The following GALNTL6 variants were observed in gnomAD, a reference collection of about 807,000 sequenced individuals.
GALNTL6 encodes polypeptide N-acetylgalactosaminyltransferase like 6, also known as polypeptide N-acetylgalactosaminyltransferase-like 6.
In GALNTL6, 46 loss-of-function variants were observed where a neutral mutation model predicts 73.7. The observed-to-expected ratio is 0.62, with a 90% CI of 0.49 to 0.80. The LOEUF is 0.80. Among genes scored for constraint, GALNTL6 ranks in the 30% least tolerant of loss-of-function variants. GALNTL6 has a pLI of 0.00. For synonymous variants in GALNTL6, 259 were observed against 263.7 expected, an observed-to-expected ratio of 0.98 and a Z score of 0.17; for missense variants, 604 against 755.0, an observed-to-expected ratio of 0.80 and a Z score of 2.34.
chr4:172,383,546 G>A (rs910690923), intron 5 of GALNTL6, among the ~76,000 whole-genome samples: 10 of 152,106 alleles, frequency 6.6e-5, no homozygotes, highest in Admixed American at 2.0e-4. Context: ...TCTGTGAGTC[G>A]TCACGATTTT....
chr4:172,981,342 T>C (rs1751054641), intron 10 of GALNTL6, among the ~76,000 whole-genome samples: 1 of 152,220 alleles, frequency 6.6e-6, no homozygotes, highest in Non-Finnish European at 1.5e-5. Context: ...TTCCAATTTC[T>C]CCACATACTT....
chr4:172,536,378 G>T (rs539811111), intron 5 of GALNTL6, among the ~76,000 whole-genome samples: 1 of 152,196 alleles, frequency 6.6e-6, no homozygotes, highest in African/African-American at 2.4e-5. Context: ...ACAGAAAGAT[G>T]TGGGAAAGTT....
rs1009181531 is a variant in GALNTL6 at position 172,130,540 on chromosome 4, C to A, written c.139-99116C>A. Among the ~76,000 whole-genome samples, 13 of 152,024 alleles carry A rather than the reference C, an allele frequency of 8.6e-5. 1 individual carries two copies. Among genetic ancestry groups the A allele is most frequent in the Admixed American group, 5.2e-4 (8 of 15,268 alleles). ...TTTCTAATTGTAAAATATTTTCTTT[C>A]TACTGTGAGGTTTCAAAGTAATTAA... On this transcript the variant is annotated intron_variant, in intron 2 of 12. Transcript: ENST00000506823.
intron 8 of GALNTL6, among the ~76,000 whole-genome samples, chr4:172,905,810 C>A (rs1462324772): frequency 1.7e-4 from 6 of 34,978 alleles, no homozygotes; most frequent in East Asian, 1.7e-3. Context: ...CTAGAGATCA[C>A]TCAAAAAAAA....
chr4:172,816,963 C>T (rs145797103), intron 7 of GALNTL6, among the ~76,000 whole-genome samples: 103 of 151,874 alleles, frequency 6.8e-4, no homozygotes, highest in African/African-American at 2.2e-3. Flanking sequence ...AACAATTAGC[C>T]GGGCATGGTG....
chr4:172,702,713 A>G (rs1734095564), intron 5 of GALNTL6, among the ~76,000 whole-genome samples: 1 of 152,012 alleles, frequency 6.6e-6, no homozygotes, highest in Admixed American at 6.6e-5. Flanking sequence ...AGCCTCTAGA[A>G]CTGAGAGAGG....
chr4:172,363,205 G>A (rs1253627149), intron 5 of GALNTL6, among the ~76,000 whole-genome samples: 1 of 152,030 alleles, frequency 6.6e-6, no homozygotes, highest in Non-Finnish European at 1.5e-5. Context: ...TCACCCCTGT[G>A]TTTTATTAAA....
chr4:172,418,116 C>T (rs932027973), intron 5 of GALNTL6, among the ~76,000 whole-genome samples: 1 of 152,100 alleles, frequency 6.6e-6, no homozygotes, highest in African/African-American at 2.4e-5. Context: ...GTTAAGACAC[C>T]ATAGCAAAGT....
chr4:172,054,950 T>G (rs1240942223), intron 2 of GALNTL6, among the ~76,000 whole-genome samples: 1 of 152,134 alleles, frequency 6.6e-6, no homozygotes, highest in Non-Finnish European at 1.5e-5. Flanking sequence ...TAACAAACTT[T>G]GACTGTCTCA....
At chr4:172,593,288 G>C (rs1185817324) in intron 5 of GALNTL6, among the ~76,000 whole-genome samples, 1 of 152,110 alleles carries the variant, frequency 6.6e-6, no homozygotes, top group Non-Finnish European at 1.5e-5. Context: ...AAATTTGTCA[G>C]CTCCATCATG....
chr4:172,389,415 A>C (rs1264331630), intron 5 of GALNTL6, among the ~76,000 whole-genome samples: 1 of 152,120 alleles, frequency 6.6e-6, no homozygotes, highest in Non-Finnish European at 1.5e-5. Context: ...AGATTAATGA[A>C]TGGTCAAATG....
At chr4:171,906,443 GGAA>G (rs1300187159) in intron 2 of GALNTL6, among the ~76,000 whole-genome samples, 3 of 151,666 alleles carry the variant, frequency 2.0e-5, no homozygotes, top group Non-Finnish European at 4.4e-5. Context: ...GACTAAACCA[GGAA>G]GAAGTTGAAT....
At chr4:172,164,753 T>C (rs1194150105) in intron 2 of GALNTL6, among the ~76,000 whole-genome samples, 5 of 152,120 alleles carry the variant, frequency 3.3e-5, no homozygotes, top group South Asian at 2.1e-4. Flanking sequence ...TTCCAAATGA[T>C]TGAGTTTTCA....
chr4:171,838,373 T>G (rs1194447676), intron 2 of GALNTL6, among the ~76,000 whole-genome samples: 2 of 152,100 alleles, frequency 1.3e-5, no homozygotes, highest in East Asian at 3.9e-4. Context: ...TCCACCCACC[T>G]TGGCCTACCA....
chr4:172,853,713 G>T (rs939519763), intron 7 of GALNTL6, among the ~76,000 whole-genome samples: 7 of 152,232 alleles, frequency 4.6e-5, no homozygotes, highest in Admixed American at 1.3e-4. Context: ...TGCCACTGAG[G>T]TAACATATTT....
At chr4:172,229,895 A>G (rs892544700) in intron 3 of GALNTL6, 131 bp downstream of exon 3, 3 of 598,962 alleles carry the variant, frequency 5.0e-6, no homozygotes, top group Admixed American at 6.2e-5. Flanking sequence ...TGGAGGTGAT[A>G]CTGGACAGAA....
intron 7 of GALNTL6, among the ~76,000 whole-genome samples, chr4:172,868,488 A>C (rs1440689664): frequency 1.3e-5 from 2 of 152,260 alleles, no homozygotes; most frequent in East Asian, 3.8e-4. Flanking sequence ...TTTATAACAG[A>C]GAAAACCTGC....
intron 5 of GALNTL6, among the ~76,000 whole-genome samples, chr4:172,391,043 T>C (rs999285391): frequency 1.3e-5 from 2 of 152,232 alleles, no homozygotes; most frequent in African/African-American, 4.8e-5. Flanking sequence ...AACTAATTTA[T>C]AGACTAGGTA....
chr4:172,302,087 C>T (rs1182256379), intron 3 of GALNTL6, among the ~76,000 whole-genome samples: 1 of 152,212 alleles, frequency 6.6e-6, no homozygotes, highest in Admixed American at 6.5e-5. Context: ...CCTTCCCCAG[C>T]CTCGCTGCTG....
Sources: allele counts gnomAD v4.1 joint callset (sites outside exome capture counted in the v4.1 genomes callset), GRCh38; gene constraint gnomAD v4.1.1; transcripts MANE v1.5; gene names NCBI Gene and HGNC (gene_info 2026-07-23, HGNC 2026-07-21).